ANKEF1: variants seen among roughly 807,000 people sequenced by gnomAD.
ANKEF1 encodes the protein ankyrin repeat and EF-hand domain containing 1.
ANKEF1 carries 43 observed loss-of-function variants against 65.1 expected under a neutral mutation model. The observed-to-expected ratio is 0.66, with a 90% confidence interval of 0.52 to 0.85. The LOEUF (loss-of-function observed/expected upper bound fraction) is 0.85, where lower values mean the gene tolerates loss of function less well. Ranked by LOEUF, ANKEF1 falls within the 40% of genes least tolerant of loss-of-function variation. ANKEF1 has a pLI of 0.00. For missense variants in ANKEF1, 934 were observed against 952.9 expected (o/e 0.98, Z 0.26); for synonymous variants, 316 against 341.5 (o/e 0.93, Z 0.82).
chr20:10,054,455 T>C lies in ANKEF1; in HGVS notation c.2035-7T>C. On this transcript the variant is annotated splice_polypyrimidine_tract_variant and splice_region_variant and intron_variant, in intron 9 of 10. Coordinates refer to ENST00000378392, the MANE Select transcript of ANKEF1 (RefSeq NM_022096.6). Reference sequence around the variant, plus strand: ...ACAATTTATAATTTTTTTGTTCTTGTTTCCAGGAACTGCTGTCATCAATTT... The same window carrying C: ...ACAATTTATAATTTTTTTGTTCTTGCTTCCAGGAACTGCTGTCATCAATTT... 6.5e-7 allele frequency: 1 copy of C among 1,526,958 alleles called. No individual in the cohort carries two copies. The highest frequency in any genetic ancestry group is 8.7e-7 in the Non-Finnish European group (1 of 1,144,398). The allele number at this position is 1,526,958 out of a possible 1,614,324, so 94.6% of individuals were successfully genotyped here.
At chr20:10,051,416 A>C (rs1568516384) in intron 7 of ANKEF1, among the ~76,000 whole-genome samples, 1 of 152,224 alleles carries the variant, frequency 6.6e-6, no homozygotes, top group African/African-American at 2.4e-5. Context: ...CTGATTTTAT[A>C]ATTTTCCTTG....
Position 10,049,705 on chromosome 20 carries a change from CT to C in ANKEF1, c.1137del (p.His380ThrfsTer23). On this transcript the variant is annotated frameshift_variant, in exon 7 of 11. Coordinates refer to ENST00000378392, the MANE Select transcript of ANKEF1 (RefSeq NM_022096.6). LOFTEE classifies it high-confidence loss of function. ...YASSEQLAAI[A>X]HLHEKTRGGG... ...AGCTCAGAACAGCTGGCTGCCATCG[CT>C]CACCTTCATGAGAAAACCCGGGGAG... 1 of 1,614,090 alleles carries C rather than the reference CT, an allele frequency of 6.2e-7. No individual in the cohort carries two copies. Among genetic ancestry groups the C allele is most frequent in the Non-Finnish European group, 8.5e-7 (1 of 1,180,010 alleles).
intron 9 of ANKEF1, among the ~76,000 whole-genome samples, chr20:10,053,567 G>A (rs899350009): frequency 6.6e-6 from 1 of 152,158 alleles, no homozygotes; most frequent in Non-Finnish European, 1.5e-5. Flanking sequence ...TGTTGGATTT[G>A]TATATATTTG....
intron 6 of ANKEF1, among the ~76,000 whole-genome samples, chr20:10,047,113 T>C (rs914488994): frequency 2.6e-5 from 4 of 152,226 alleles, no homozygotes; most frequent in Non-Finnish European, 4.4e-5. Flanking sequence ...TATGTTGACT[T>C]ATTTCTTATT....
intron 5 of ANKEF1, among the ~76,000 whole-genome samples, chr20:10,045,107 T>G (rs916686679): frequency 4.6e-5 from 7 of 152,240 alleles, no homozygotes; most frequent in Non-Finnish European, 7.3e-5. Context: ...TTTAACATAG[T>G]TATCTTCATT....
Position 10,049,284 on chromosome 20 carries a change from AT to A in ANKEF1, c.821-100del, listed in dbSNP as rs201956158. ...CTATATACATATAATTTGGGGACAC[AT>A]TTTTTACTAATCACGAGAAATTAAG... On this transcript the variant is annotated intron_variant, in intron 6 of 10. Coordinates refer to ENST00000378392, the MANE Select transcript of ANKEF1 (RefSeq NM_022096.6). 1,845 of 1,122,740 alleles carry A rather than the reference AT, an allele frequency of 1.6e-3. 26 individuals carry two copies. The African/African-American group carries it at 0.026, about 16-fold the overall frequency. The allele number at this position is 1,122,740 out of a possible 1,614,324, so 69.5% of individuals were successfully genotyped here.
intron 9 of ANKEF1, among the ~76,000 whole-genome samples, chr20:10,054,207 G>A (rs1408834798): frequency 2.6e-5 from 4 of 152,046 alleles, no homozygotes; most frequent in African/African-American, 7.2e-5. Flanking sequence ...ATTTTAGTAG[G>A]CCACAGATCA....
rs770211371 is a variant in ANKEF1 at position 10,049,517 on chromosome 20, A to G, written c.948A>G (p.Pro316=). ...GAATCGCTAATAAACTAGCCAGGCC[A>G]GGAGCCAAAAATCCAAATCCACTGT... ...AERIANKLAR[P]GAKNPNPLWA... is the part of the protein sequence containing the mutation. The change falls in exon 7 of 11, where the codon CCA becomes CCG. Residue 316 remains proline, a synonymous_variant. Transcript: ENST00000378392. 2.5e-6 allele frequency: 4 copies of G among 1,614,182 alleles called. No individual in the cohort carries two copies. The South Asian group carries it at 4.4e-5, about 18-fold the overall frequency.
At chr20:10,035,719 T>C (rs1983800352) in intron 2 of ANKEF1, 77 bp downstream of exon 2, 1 of 152,158 alleles carries the variant, frequency 6.6e-6, no homozygotes, top group Non-Finnish European at 1.5e-5. Flanking sequence ...CACAACGGAT[T>C]TCCCCACCTC....
At chr20:10,038,161 A>C in intron 2 of ANKEF1, 97 bp from the exon 3 acceptor site, 2 of 509,664 alleles carry the variant, frequency 3.9e-6, no homozygotes, top group Non-Finnish European at 3.4e-6. Context: ...CTTAAAAAAC[A>C]ATCTCTGTTC....
chr20:10,055,601 C>A lies in ANKEF1; in HGVS notation c.2272C>A (p.Pro758Thr). Reference protein sequence around the residue: ...HEVDFDDFMMPFQKNITEKAR... With the variant: ...HEVDFDDFMMTFQKNITEKAR... ...GGTGGACTTCGACGATTTTATGATG[C>A]CTTTTCAGAAGAACATCACAGAGAA... The change falls in exon 11 of 11, where the codon CCT (proline) becomes ACT (threonine). Residue 758 changes from proline to threonine, a missense_variant. Coordinates refer to ENST00000378392, the MANE Select transcript of ANKEF1 (RefSeq NM_022096.6). The A allele has an allele frequency of 1.9e-6, 3 of 1,613,702 alleles. No individual in the cohort carries two copies. The highest frequency in any genetic ancestry group is 2.5e-6 in the Non-Finnish European group (3 of 1,179,762).
chr20:10,055,098 C>T (rs779852055), intron 10 of ANKEF1, among the ~76,000 whole-genome samples: 1 of 152,106 alleles, frequency 6.6e-6, no homozygotes, highest in Non-Finnish European at 1.5e-5. Flanking sequence ...ACAAGCAGCT[C>T]CCCTCGCCTT....
chr20:10,053,350 AT>A, intron 9 of ANKEF1, 75 bp downstream of exon 9: 1 of 1,338,616 alleles, frequency 7.5e-7, no homozygotes, highest in Non-Finnish European at 1.0e-6. Context: ...CAGAAGCACT[AT>A]TTACATATTG....
chr20:10,049,485 G>A lies in ANKEF1; in HGVS notation c.916G>A (p.Ala306Thr). Residue 306 changes from alanine (A) to threonine (T), a missense_variant, in exon 7 of 11, where the codon GCA becomes ACA. By Grantham distance (58) the Ala-to-Thr change is moderately conservative (BLOSUM62 0). Coordinates refer to ENST00000378392, the MANE Select transcript of ANKEF1 (RefSeq NM_022096.6). ...FKAASKEIRR[A>T]ERIANKLARP... is the part of the protein sequence containing the mutation. ...AGCAGCAAGCAAAGAAATACGCCGA[G>A]CAGAGAGAATCGCTAATAAACTAGC... The A allele has an allele frequency of 1.2e-6, 2 of 1,614,158 alleles. No individual in the cohort carries two copies. The highest frequency in any genetic ancestry group is 8.5e-7 in the Non-Finnish European group (1 of 1,180,010).
intron 3 of ANKEF1, among the ~76,000 whole-genome samples, chr20:10,039,961 A>C (rs919472594): frequency 6.6e-6 from 1 of 152,224 alleles, no homozygotes; most frequent in African/African-American, 2.4e-5. Context: ...AATCACAAAG[A>C]AAAAAGAAAT....
At chr20:10,039,962 A>G (rs1414680009) in intron 3 of ANKEF1, among the ~76,000 whole-genome samples, 3 of 152,224 alleles carry the variant, frequency 2.0e-5, no homozygotes, top group African/African-American at 4.8e-5. Context: ...ATCACAAAGA[A>G]AAAAGAAATT....
At position 10,054,571 on chromosome 20, in the gene ANKEF1, A is replaced by T; in HGVS notation, c.2144A>T (p.Lys715Ile). Residue 715 changes from lysine (K) to isoleucine (I), a missense_variant, in exon 10 of 11, where the codon AAA becomes ATA. Transcript: ENST00000378392. ...TTGATTACCAGTGGTTATACTAAGAAAGTGGATATCACATTTATTCCACGG... is the reference window on the plus strand; with the variant it reads ...TTGATTACCAGTGGTTATACTAAGATAGTGGATATCACATTTATTCCACGG... ...NSLITSGYTKKVDITFIPRRI... is the reference protein window; with the variant it reads ...NSLITSGYTKIVDITFIPRRI... 6.2e-7 allele frequency: 1 copy of T among 1,609,122 alleles called. No homozygotes were observed. The highest frequency in any genetic ancestry group is 8.5e-7 in the Non-Finnish European group (1 of 1,178,218).
intron 3 of ANKEF1, among the ~76,000 whole-genome samples, chr20:10,039,997 T>C (rs1984083067): frequency 6.6e-6 from 1 of 152,218 alleles, no homozygotes; most frequent in Non-Finnish European, 1.5e-5. Flanking sequence ...TGTAAAAGTG[T>C]AAATTTTTTT....
rs1164543726 is a variant in ANKEF1, at chr20:10,055,902, T to C, written c.*242T>C. On this transcript the variant is annotated 3_prime_UTR_variant, in exon 11 of 11. Coordinates refer to ENST00000378392, the MANE Select transcript of ANKEF1 (RefSeq NM_022096.6). ...AAGCCCCTTTATGAATGTAGTGAAATACATGGCATGTGGGTTATAAACGTT... is the reference window on the plus strand; with the variant it reads ...AAGCCCCTTTATGAATGTAGTGAAACACATGGCATGTGGGTTATAAACGTT... The C allele has an allele frequency of 4.3e-6, 2 of 463,796 alleles. No individual in the cohort carries two copies. The highest frequency in any genetic ancestry group is 3.9e-5 in the African/African-American group (2 of 51,422). 28.7% of individuals were successfully genotyped at this position (463,796 alleles called of 1,614,324 possible).
Sources: allele counts gnomAD v4.1 joint callset (sites outside exome capture counted in the v4.1 genomes callset), GRCh38; gene constraint gnomAD v4.1.1; transcripts MANE v1.5; gene names NCBI Gene and HGNC (gene_info 2026-07-23, HGNC 2026-07-21).